LIX1: variants seen among roughly 807,000 people sequenced by gnomAD.
The protein encoded by LIX1 is protein limb expression 1 homolog.
Under a neutral mutation model 33.4 loss-of-function variants are expected in LIX1, and 24 were observed. That is an observed-to-expected ratio of 0.72 (90% confidence interval 0.52 to 1.01). The LOEUF (loss-of-function observed/expected upper bound fraction) is 1.01, where lower values mean the gene tolerates loss of function less well. Ranked by LOEUF, LIX1 falls within the 50% of genes least tolerant of loss-of-function variation. The pLI is 0.00. For synonymous variants in LIX1, 124 were observed against 124.0 expected, an observed-to-expected ratio of 1.00 and a Z score of 0.00; for missense variants, 311 against 339.2, an observed-to-expected ratio of 0.92 and a Z score of 0.65.
intron 4 of LIX1, among the ~76,000 whole-genome samples, chr5:97,102,399 A>G (rs1166173221): frequency 1.3e-5 from 2 of 152,072 alleles, no homozygotes; most frequent in Non-Finnish European, 1.5e-5. Context: ...GGAATGTGCC[A>G]GGTCCCAGCA....
intron 1 of LIX1, among the ~76,000 whole-genome samples, chr5:97,132,498 A>G (rs1038633313): frequency 6.6e-6 from 1 of 152,170 alleles, no homozygotes. Flanking sequence ...GGAGAGAAAT[A>G]ATGATACTCC....
intron 1 of LIX1, chr5:97,137,052 T>C (rs563026990): frequency 6.2e-5 from 26 of 419,772 alleles, no homozygotes; most frequent in African/African-American, 5.1e-4. Flanking sequence ...CTGTAGCACA[T>C]AATCAGTAAA....
chr5:97,124,322 C>T, intron 2 of LIX1, 144 bp downstream of exon 2: 1 of 622,048 alleles, frequency 1.6e-6, no homozygotes, highest in Non-Finnish European at 2.6e-6. Context: ...AATTTAATTC[C>T]TTTCTGGTTG....
chr5:97,119,210 A>G (rs1747716601), intron 2 of LIX1, among the ~76,000 whole-genome samples: 1 of 152,200 alleles, frequency 6.6e-6, no homozygotes, highest in Non-Finnish European at 1.5e-5. Flanking sequence ...TAAGAAGGCT[A>G]CTGCTGGCAT....
intron 1 of LIX1, among the ~76,000 whole-genome samples, chr5:97,141,228 C>T (rs1189897438): frequency 6.6e-6 from 1 of 152,090 alleles, no homozygotes. Flanking sequence ...CCTTTTATCC[C>T]TCACTAGTGA....
chr5:97,098,386 C>A (rs1020031653), intron 4 of LIX1, among the ~76,000 whole-genome samples: 1 of 152,118 alleles, frequency 6.6e-6, no homozygotes, highest in African/African-American at 2.4e-5. Context: ...TTTCATTTTC[C>A]TAATGCGGTT....
At chr5:97,140,315 G>T (rs1017613375) in intron 1 of LIX1, among the ~76,000 whole-genome samples, 2 of 152,170 alleles carry the variant, frequency 1.3e-5, no homozygotes, top group African/African-American at 4.8e-5. Flanking sequence ...CTTTCATCTT[G>T]TAGGAAAGTA....
chr5:97,126,381 G>A (rs1185635556), intron 1 of LIX1, among the ~76,000 whole-genome samples: 1 of 152,164 alleles, frequency 6.6e-6, no homozygotes, highest in East Asian at 1.9e-4. Context: ...CTCCTCTGTA[G>A]GTCACTGATC....
At chr5:97,141,231 A>G (rs918291014) in intron 1 of LIX1, among the ~76,000 whole-genome samples, 3 of 152,108 alleles carry the variant, frequency 2.0e-5, no homozygotes, top group Non-Finnish European at 2.9e-5. Flanking sequence ...TTTATCCCTC[A>G]CTAGTGAATC....
intron 1 of LIX1, among the ~76,000 whole-genome samples, chr5:97,130,454 C>T (rs760072406): frequency 6.6e-6 from 1 of 152,202 alleles, no homozygotes; most frequent in Non-Finnish European, 1.5e-5. Context: ...AGCCATACAG[C>T]GAATCTAGAC....
chr5:97,096,918 C>G, intron 4 of LIX1, 31 bp from the exon 5 acceptor site: 1 of 1,557,332 alleles, frequency 6.4e-7, no homozygotes, highest in Non-Finnish European at 8.9e-7. Context: ...TCATTGGTCC[C>G]AAAGCAGAAA....
intron 1 of LIX1, among the ~76,000 whole-genome samples, chr5:97,139,170 T>G (rs536023830): frequency 6.6e-6 from 1 of 152,332 alleles, no homozygotes; most frequent in South Asian, 2.1e-4. Context: ...GCACGTCATT[T>G]TAACCTCTGT....
chr5:97,117,545 G>A (rs1273077740), intron 2 of LIX1, among the ~76,000 whole-genome samples: 5 of 152,128 alleles, frequency 3.3e-5, no homozygotes, highest in Non-Finnish European at 7.4e-5. Flanking sequence ...TTAGTTTATT[G>A]TGATTTAAAT....
intron 4 of LIX1, among the ~76,000 whole-genome samples, chr5:97,099,807 A>C (rs894164592): frequency 4.6e-5 from 7 of 152,218 alleles, no homozygotes; most frequent in African/African-American, 1.7e-4. Context: ...ACCACACTCC[A>C]GCCTCGGCAA....
chr5:97,098,809 T>C (rs540589393), intron 4 of LIX1, among the ~76,000 whole-genome samples: 299 of 152,372 alleles, frequency 2.0e-3, no homozygotes, highest in South Asian at 3.7e-3. Context: ...AGACTCATAG[T>C]CAGGTTTTAG....
At chr5:97,101,358 G>A (rs1048435679) in intron 4 of LIX1, among the ~76,000 whole-genome samples, 8 of 152,146 alleles carry the variant, frequency 5.3e-5, no homozygotes, top group African/African-American at 1.9e-4. Context: ...GGCAAGCCCA[G>A]CTTCATGGGC....
chr5:97,096,941 A>G, intron 4 of LIX1, 54 bp from the exon 5 acceptor site: 1 of 1,278,678 alleles, frequency 7.8e-7, no homozygotes, highest in Admixed American at 1.7e-5. Context: ...TGCATTGGTG[A>G]GAGCTGAGCA....
chr5:97,105,247 A>G lies in LIX1; in HGVS notation c.426T>C (p.Val142=). Residue 142 remains valine (V), a synonymous_variant, in exon 4 of 6, where the codon GTT becomes GTC. Transcript: ENST00000274382. ...LDDADDPSTS[V]GAYHYMLESN... ...ACTCCAGCATGTAGTGATAGGCCCC[A>G]ACACTGGTGCTGGGGTCATCTGCAT... is the stretch of plus-strand genomic sequence containing the variant. 3 of 1,614,162 alleles carry G rather than the reference A, an allele frequency of 1.9e-6. No individual in the cohort carries two copies. The highest frequency in any genetic ancestry group is 2.5e-6 in the Non-Finnish European group (3 of 1,180,020).
chr5:97,124,925 G>A (rs1747881922), intron 1 of LIX1, among the ~76,000 whole-genome samples: 1 of 151,926 alleles, frequency 6.6e-6, no homozygotes, highest in Non-Finnish European at 1.5e-5. Context: ...AAACAATATA[G>A]CAGTATTTCA....
Sources: gnomAD v4.1 joint callset for allele counts (sites outside exome capture counted in the v4.1 genomes callset) on GRCh38, gnomAD v4.1.1 for gene constraint, MANE v1.5 for transcripts, NCBI Gene and HGNC (gene_info 2026-07-23, HGNC 2026-07-21) for gene names.